The following CLVS1 variants were observed in gnomAD, a reference collection of about 807,000 sequenced individuals.
CLVS1 encodes the protein clavesin-1.
Under a neutral mutation model 33.1 loss-of-function variants are expected in CLVS1, and 10 were observed. The ratio of observed to expected loss-of-function variants is 0.30; its 90% confidence interval spans 0.19 to 0.51. CLVS1 has a LOEUF of 0.51. Among genes scored for constraint, CLVS1 ranks in the 20% least tolerant of loss-of-function variants. The pLI is 0.97. For synonymous variants in CLVS1, 163 were observed against 166.1 expected (o/e 0.98, Z 0.14); for missense variants, 343 against 433.4 (o/e 0.79, Z 1.85).
At chr8:60,978,288 C>T in the CLVS1 span, among the ~76,000 whole-genome samples, 1 of 152,156 alleles carries the variant, frequency 6.6e-6, no homozygotes, top group Non-Finnish European at 1.5e-5. Flanking sequence ...TGGTATGTAT[C>T]TTCTTTTCTT....
At chr8:61,089,444 T>A (rs1805189382) in intron 1 of CLVS1, among the ~76,000 whole-genome samples, 1 of 152,228 alleles carries the variant, frequency 6.6e-6, no homozygotes, top group African/African-American at 2.4e-5. Context: ...TCTGGTACCC[T>A]GCTGACCACA....
At chr8:61,247,913 T>G (rs1334183058) in intron 2 of CLVS1, among the ~76,000 whole-genome samples, 1 of 152,228 alleles carries the variant, frequency 6.6e-6, no homozygotes, top group Non-Finnish European at 1.5e-5. Context: ...TTTTAACATT[T>G]TGGGTTTTAC....
intron 3 of CLVS1, among the ~76,000 whole-genome samples, chr8:61,417,651 C>T (rs916426999): frequency 1.3e-5 from 2 of 152,178 alleles, no homozygotes; most frequent in Non-Finnish European, 2.9e-5. Flanking sequence ...CTATTCAAAA[C>T]AGAGAATCAG....
intron 5 of CLVS1, among the ~76,000 whole-genome samples, chr8:61,459,668 C>T (rs1057205451): frequency 1.3e-5 from 2 of 152,186 alleles, no homozygotes. Flanking sequence ...CCCATTTCCT[C>T]CCAAATGGTA....
the CLVS1 span, among the ~76,000 whole-genome samples, chr8:60,968,481 A>G: frequency 6.7e-6 from 1 of 149,492 alleles, no homozygotes; most frequent in South Asian, 2.1e-4. Flanking sequence ...GCCCCACTGC[A>G]CTCCAGCCTG....
At chr8:61,367,039 T>C (rs1297513926) in intron 2 of CLVS1, among the ~76,000 whole-genome samples, 1 of 152,100 alleles carries the variant, frequency 6.6e-6, no homozygotes, top group South Asian at 2.1e-4. Context: ...CACACCCATA[T>C]CTAATTGGTA....
At chr8:61,306,580 T>G (rs1810634740) in intron 2 of CLVS1, among the ~76,000 whole-genome samples, 1 of 152,242 alleles carries the variant, frequency 6.6e-6, no homozygotes, top group Non-Finnish European at 1.5e-5. Context: ...TTCCATATGC[T>G]GGCTATTGTT....
At chr8:61,425,438 A>G (rs932209038) in intron 3 of CLVS1, among the ~76,000 whole-genome samples, 9 of 152,196 alleles carry the variant, frequency 5.9e-5, no homozygotes, top group East Asian at 5.8e-4. Flanking sequence ...TTTTAAAAAA[A>G]ATAAGTTTTA....
intron 5 of CLVS1, among the ~76,000 whole-genome samples, chr8:61,496,268 T>G (rs1804261159): frequency 6.6e-6 from 1 of 152,184 alleles, no homozygotes; most frequent in Non-Finnish European, 1.5e-5. Flanking sequence ...TTAAGGTCTG[T>G]AAAAGTAGAT....
intron 1 of CLVS1, among the ~76,000 whole-genome samples, chr8:61,076,409 T>C (rs1353666524): frequency 6.6e-6 from 1 of 152,206 alleles, no homozygotes; most frequent in African/African-American, 2.4e-5. Flanking sequence ...AGGGCTAAGA[T>C]CACAGCACGT....
chr8:61,242,829 T>A (rs1285207358), intron 2 of CLVS1, among the ~76,000 whole-genome samples: 1 of 151,980 alleles, frequency 6.6e-6, no homozygotes, highest in Non-Finnish European at 1.5e-5. Flanking sequence ...CAAAATAAAA[T>A]GTATTTTCTA....
chr8:61,438,680 G>C (rs187112367), intron 3 of CLVS1, among the ~76,000 whole-genome samples: 1 of 152,062 alleles, frequency 6.6e-6, no homozygotes, highest in Non-Finnish European at 1.5e-5. Flanking sequence ...CTACAACCTC[G>C]CCAGCATCTG....
At chr8:61,204,767 C>T (rs949454717) in intron 2 of CLVS1, among the ~76,000 whole-genome samples, 1 of 152,174 alleles carries the variant, frequency 6.6e-6, no homozygotes, top group African/African-American at 2.4e-5. Context: ...TAATAGATCA[C>T]CAACAGTACT....
intron 1 of CLVS1, among the ~76,000 whole-genome samples, chr8:61,067,717 C>T (rs1342531830): frequency 6.6e-6 from 1 of 151,878 alleles, no homozygotes; most frequent in African/African-American, 2.4e-5. Context: ...TGAATTAATA[C>T]AGGAACAGAA....
In CLVS1 at chr8:61,337,684, G is replaced by A. The variant is rs371528310; in HGVS notation, c.455+37402G>A. Among the ~76,000 whole-genome samples, 12 of 152,324 alleles carry A rather than the reference G, an allele frequency of 7.9e-5. No individual in the cohort carries two copies. In the South Asian group the frequency reaches 2.5e-3, roughly 32 times the overall value. On this transcript the variant is annotated intron_variant, in intron 2 of 5. Coordinates refer to ENST00000325897, the MANE Select transcript of CLVS1 (RefSeq NM_173519.3). Reference sequence around the variant, plus strand: ...CAACCATTTAATCTGCAAAACAAATGTGTGAGGGTGGCTATCGTGATTTTT... The same window carrying A: ...CAACCATTTAATCTGCAAAACAAATATGTGAGGGTGGCTATCGTGATTTTT...
chr8:61,241,679 T>C (rs1361529937), intron 2 of CLVS1, among the ~76,000 whole-genome samples: 2 of 152,228 alleles, frequency 1.3e-5, no homozygotes, highest in Non-Finnish European at 2.9e-5. Context: ...TGTGTTGAAA[T>C]TTTTGCTTTA....
chr8:61,372,562 G>A (rs964683228), intron 2 of CLVS1, among the ~76,000 whole-genome samples: 12 of 151,018 alleles, frequency 7.9e-5, no homozygotes, highest in South Asian at 6.3e-4. Flanking sequence ...TTATTAATAC[G>A]TTATTCATTA....
intron 2 of CLVS1, among the ~76,000 whole-genome samples, chr8:61,177,081 G>A (rs929934396): frequency 2.6e-5 from 4 of 152,190 alleles, no homozygotes; most frequent in South Asian, 4.1e-4. Flanking sequence ...GCGAGGGGGC[G>A]GGGCGGGGGG....
At chr8:61,253,149 GA>G in intron 2 of CLVS1, among the ~76,000 whole-genome samples, 2 of 152,286 alleles carry the variant, frequency 1.3e-5, no homozygotes, top group South Asian at 4.2e-4. Flanking sequence ...TTGCTTGTCT[GA>G]AAAGTATTTT....
Sources: allele counts gnomAD v4.1 joint callset (sites outside exome capture counted in the v4.1 genomes callset), GRCh38; gene constraint gnomAD v4.1.1; transcripts MANE v1.5; gene names NCBI Gene and HGNC (gene_info 2026-07-23, HGNC 2026-07-21).